LARP4B: variants seen among roughly 807,000 people sequenced by gnomAD.
LARP4B encodes the protein La ribonucleoprotein 4B, also known as la-related protein 4B.
In LARP4B, 12 loss-of-function variants were observed where a neutral mutation model predicts 89.8. That is an observed-to-expected ratio of 0.13 (90% CI 0.09 to 0.22). LARP4B has a LOEUF of 0.22. Among genes scored for constraint, LARP4B ranks in the 10% least tolerant of loss-of-function variants. The pLI, the probability that LARP4B is intolerant of heterozygous loss-of-function variation, is 1.00. For missense variants in LARP4B, 757 were observed against 947.7 expected (o/e 0.80, Z 2.64); for synonymous variants, 367 against 363.3 (o/e 1.01, Z -0.12).
rs1000743789 is a variant in LARP4B at position 814,469 on chromosome 10, G to A, written c.1929+273C>T. On this transcript the variant is annotated intron_variant, in intron 17 of 17. Transcript: ENST00000316157. This position sits in a 1 kb window ranked among gnomAD's most constrained non-coding sequence, Gnocchi z 4.4. ...TCCTAAAGTCTATGGAGAAACAGGA[G>A]CTGGGGTCTTGTTACTACTCAAGAA... The A allele has an allele frequency of 1.0e-4, 53 of 526,218 alleles. No individual in the cohort carries two copies. The highest frequency in any genetic ancestry group is 9.9e-4 in the African/African-American group (51 of 51,610). The allele number at this position is 526,218 out of a possible 1,614,324, so 32.6% of individuals were successfully genotyped here. A position where few individuals can be genotyped will look rare whatever the true frequency, so the allele number is the denominator to read the frequency against.
intron 5 of LARP4B, among the ~76,000 whole-genome samples, chr10:853,449 C>T (rs1458325982): frequency 1.3e-5 from 2 of 152,076 alleles, no homozygotes; most frequent in Non-Finnish European, 2.9e-5. Context: ...TTTGGGAGGC[C>T]GAGGCAAGTG....
chr10:853,348 G>GT (rs1834147332), intron 5 of LARP4B, among the ~76,000 whole-genome samples: 1 of 152,066 alleles, frequency 6.6e-6, no homozygotes, highest in African/African-American at 2.4e-5. Flanking sequence ...TGAGATAGCA[G>GT]TATGTCCTTA....
intron 5 of LARP4B, among the ~76,000 whole-genome samples, chr10:850,438 G>C (rs891191517): frequency 1.3e-5 from 2 of 151,966 alleles, no homozygotes; most frequent in Admixed American, 1.3e-4. Flanking sequence ...TAAAGAGAGG[G>C]GTCAATGAAT....
chr10:927,608 T>C (rs1001625595), intron 1 of LARP4B, among the ~76,000 whole-genome samples: 1 of 152,216 alleles, frequency 6.6e-6, no homozygotes, highest in Admixed American at 6.5e-5. Context: ...GAGTGCCTCA[T>C]TTACTTCGTA....
chr10:873,702 G>A (rs1341782762), intron 3 of LARP4B, among the ~76,000 whole-genome samples: 1 of 151,938 alleles, frequency 6.6e-6, no homozygotes, highest in Admixed American at 6.6e-5. Flanking sequence ...TCAAAGGAGA[G>A]CAAAAAAATA....
chr10:867,844 G>C (rs1834988138), intron 3 of LARP4B, among the ~76,000 whole-genome samples: 1 of 126,824 alleles, frequency 7.9e-6, no homozygotes, highest in East Asian at 2.6e-4. Flanking sequence ...CTGGGTGACA[G>C]AGCAAGACTC....
At chr10:978,965 G>C in the LARP4B span, among the ~76,000 whole-genome samples, 1 of 150,558 alleles carries the variant, frequency 6.6e-6, no homozygotes, top group Non-Finnish European at 1.5e-5. Flanking sequence ...ATATTCCACT[G>C]TCTCCTGTCT....
chr10:834,146 A>G (rs987163074), intron 8 of LARP4B, among the ~76,000 whole-genome samples: 1 of 152,242 alleles, frequency 6.6e-6, no homozygotes, highest in African/African-American at 2.4e-5. Flanking sequence ...TACACCTCAA[A>G]AAGTACAAAA....
At chr10:901,336 T>TA (rs1836338779) in intron 1 of LARP4B, among the ~76,000 whole-genome samples, 1 of 152,248 alleles carries the variant, frequency 6.6e-6, no homozygotes, top group Non-Finnish European at 1.5e-5. Context: ...CTTGTGCTGT[T>TA]AGTTGGATGA....
At chr10:843,912 G>T (rs1833651939) in intron 6 of LARP4B, among the ~76,000 whole-genome samples, 1 of 152,160 alleles carries the variant, frequency 6.6e-6, no homozygotes, top group African/African-American at 2.4e-5. Context: ...CCAAAGGTGA[G>T]CCACAAATCA....
At chr10:834,268 C>T (rs1339883592) in intron 8 of LARP4B, among the ~76,000 whole-genome samples, 1 of 152,208 alleles carries the variant, frequency 6.6e-6, no homozygotes, top group Non-Finnish European at 1.5e-5. Flanking sequence ...AACACATCAA[C>T]GCAAAGTCAT....
chr10:979,669 A>C, the LARP4B span, among the ~76,000 whole-genome samples: 2 of 152,202 alleles, frequency 1.3e-5, no homozygotes. Context: ...CCCAGCTAAC[A>C]CTTCTGTTAA....
the LARP4B span, among the ~76,000 whole-genome samples, chr10:981,331 C>G: frequency 6.6e-6 from 1 of 152,206 alleles, no homozygotes; most frequent in Non-Finnish European, 1.5e-5. Flanking sequence ...CAACCTCTGC[C>G]TATTACCTAG....
rs1409204201 is a variant in LARP4B, at chr10:825,066, T to TTCC, written c.1480_1482dup (p.Gly494dup). The TTCC allele has an allele frequency of 6.2e-7, 1 of 1,613,036 alleles. No homozygotes were observed. Among genetic ancestry groups the TTCC allele is most frequent in the African/African-American group, 1.3e-5 (1 of 74,930 alleles). On this transcript the variant is annotated inframe_insertion and splice_region_variant, in exon 13 of 18. Coordinates refer to ENST00000316157, the MANE Select transcript of LARP4B (RefSeq NM_015155.3). Reference sequence around the variant, plus strand: ...CACAGTAACTGCTCAACAACTCACCTTCCCCTCCCTAAACCAGGAGAGGAT... The same window carrying TTCC: ...CACAGTAACTGCTCAACAACTCACCTTCCTCCCCTCCCTAAACCAGGAGAGGAT...
At chr10:813,320 T>C in intron 17 of LARP4B, 107 bp from the exon 18 acceptor site, 1 of 1,172,560 alleles carries the variant, frequency 8.5e-7, no homozygotes. Flanking sequence ...TAACTAAGTT[T>C]CCATCTTCAC....
chr10:857,807 G>A (rs1834386616), intron 5 of LARP4B, among the ~76,000 whole-genome samples: 1 of 152,088 alleles, frequency 6.6e-6, no homozygotes, highest in African/African-American at 2.4e-5. Context: ...GTCCTCTCCA[G>A]GATCTATCCT....
the LARP4B span, chr10:942,122 A>T: frequency 6.6e-6 from 1 of 152,186 alleles, no homozygotes; most frequent in Non-Finnish European, 1.5e-5. Flanking sequence ...TCCCTATGTT[A>T]AGAAGGTCAT....
At chr10:827,962 C>T (rs78373493) in intron 11 of LARP4B, among the ~76,000 whole-genome samples, 2,392 of 152,316 alleles carry the variant, frequency 0.016, 59 homozygotes, top group African/African-American at 0.053. Context: ...AAGGTTCTTA[C>T]ACTGCGGTGG....
At chr10:813,484 T>C (rs1831852299) in intron 17 of LARP4B, among the ~76,000 whole-genome samples, 1 of 152,240 alleles carries the variant, frequency 6.6e-6, no homozygotes. Flanking sequence ...CCCAGCCCTA[T>C]GCCTGCTTGG....
Sources: allele counts gnomAD v4.1 joint callset (sites outside exome capture counted in the v4.1 genomes callset), GRCh38; gene constraint gnomAD v4.1.1; non-coding constraint Gnocchi (gnomAD v3.1); transcripts MANE v1.5; gene names NCBI Gene and HGNC (gene_info 2026-07-23, HGNC 2026-07-21).